Variants in EDEM3 observed in about 807,000 individuals in gnomAD.
The protein encoded by EDEM3 is ER degradation-enhancing alpha-mannosidase-like protein 3.
A neutral mutation model predicts 110.2 loss-of-function variants in EDEM3; 60 were observed. The observed-to-expected ratio is 0.54, with a 90% confidence interval of 0.44 to 0.67. EDEM3 has a LOEUF of 0.67. EDEM3 is among the 30% of genes least tolerant of loss of function. EDEM3 has a pLI of 0.00. For synonymous variants in EDEM3, 352 were observed against 382.9 expected, an observed-to-expected ratio of 0.92 and a Z score of 0.94; for missense variants, 996 against 1,121.0, an observed-to-expected ratio of 0.89 and a Z score of 1.59.
intron 19 of EDEM3, 68 bp from the exon 20 acceptor site, chr1:184,694,540 A>G: frequency 7.0e-7 from 1 of 1,427,958 alleles, no homozygotes; most frequent in South Asian, 1.5e-5. Context: ...TTTCCAAAGC[A>G]TATTGGTTTT....
chr1:184,729,360 A>C (rs1413388863), intron 6 of EDEM3, among the ~76,000 whole-genome samples: 2 of 152,202 alleles, frequency 1.3e-5, no homozygotes, highest in Non-Finnish European at 2.9e-5. Context: ...GAAAATCCTT[A>C]AAATATGTAT....
chr1:184,740,776 C>A (rs1652092863), intron 2 of EDEM3, among the ~76,000 whole-genome samples: 1 of 152,180 alleles, frequency 6.6e-6, no homozygotes, highest in Admixed American at 6.5e-5. Flanking sequence ...TTTCTCCATT[C>A]AAGAGACTAC....
intron 6 of EDEM3, among the ~76,000 whole-genome samples, chr1:184,731,869 A>G (rs1479607283): frequency 6.6e-6 from 1 of 152,198 alleles, no homozygotes; most frequent in Non-Finnish European, 1.5e-5. Flanking sequence ...AGTGGAGGGC[A>G]CTATGTTAAA....
rs75776638 is a variant in EDEM3 at position 184,691,126 on chromosome 1, T to G, written c.*2937A>C. 5.9e-5 allele frequency: 9 copies of G among 152,700 alleles called. No individual in the cohort carries two copies. Among genetic ancestry groups the G allele is most frequent in the African/African-American group, 2.2e-4 (9 of 41,576 alleles). 9.5% of individuals were successfully genotyped at this position (152,700 alleles called of 1,614,324 possible). A position where few individuals can be genotyped will look rare whatever the true frequency, so the allele number is the denominator to read the frequency against. ...ACGTATAATGCCAAGAGTTAATTTG[T>G]TCTGAAACAATTATACTCTTTTTGG... On this transcript the variant is annotated 3_prime_UTR_variant, in exon 20 of 20. Coordinates refer to ENST00000318130, the MANE Select transcript of EDEM3 (RefSeq NM_025191.4).
rs1649104408 is a variant in EDEM3 at position 184,692,502 on chromosome 1, A to G, written c.*1561T>C. On this transcript the variant is annotated 3_prime_UTR_variant, in exon 20 of 20. Coordinates refer to ENST00000318130, the MANE Select transcript of EDEM3 (RefSeq NM_025191.4). ...CTAAACATACTGTACACGAATATAC[A>G]TAACTGCAATACAGCACTGCTGTTT... 1.3e-5 allele frequency: 2 copies of G among 152,118 alleles called. No individual in the cohort carries two copies. Among genetic ancestry groups the G allele is most frequent in the Non-Finnish European group, 1.5e-5 (1 of 67,974 alleles). 9.4% of individuals were successfully genotyped at this position (152,118 alleles called of 1,614,324 possible).
chr1:184,739,336 GTAA>G (rs1240801217), intron 2 of EDEM3, among the ~76,000 whole-genome samples: 3 of 147,412 alleles, frequency 2.0e-5, no homozygotes, highest in Non-Finnish European at 3.0e-5. Flanking sequence ...AAGATTAAAA[GTAA>G]TAATTTAAAT....
intron 6 of EDEM3, among the ~76,000 whole-genome samples, chr1:184,730,088 T>C (rs1358213452): frequency 1.3e-5 from 2 of 152,112 alleles, no homozygotes; most frequent in Admixed American, 1.3e-4. Context: ...GTTGGCAAAA[T>C]AATAATATAC....
intron 9 of EDEM3, among the ~76,000 whole-genome samples, chr1:184,720,233 G>C (rs145681725): frequency 6.6e-6 from 1 of 152,044 alleles, no homozygotes; most frequent in East Asian, 1.9e-4. Context: ...GATAATTTTA[G>C]AAAGTATTCA....
In EDEM3 at chr1:184,708,683, C is replaced by T. The variant is rs545724216; in HGVS notation, c.1846-339G>A. Among the ~76,000 whole-genome samples the T allele has an allele frequency of 2.2e-3, 342 of 152,304 alleles. 3 individuals are homozygous for T. Among genetic ancestry groups the T allele is most frequent in the Non-Finnish European group, 1.3e-3 (87 of 68,030 alleles). ...CCCTCTGAAGAAATAAACCTCATAC[C>T]TGACCCACACTTTCCCTCCTTGAAA... On this transcript the variant is annotated intron_variant, in intron 16 of 19. Coordinates refer to ENST00000318130, the MANE Select transcript of EDEM3 (RefSeq NM_025191.4).
intron 1 of EDEM3, among the ~76,000 whole-genome samples, chr1:184,750,232 A>G (rs914226051): frequency 2.0e-5 from 3 of 152,240 alleles, no homozygotes; most frequent in Non-Finnish European, 4.4e-5. Flanking sequence ...TTCACTTCCA[A>G]AATGAGAAAA....
chr1:184,754,762 C>T lies in EDEM3; in HGVS notation c.-116G>A, dbSNP rs1011291774. 12 of 1,383,112 alleles carry T rather than the reference C, an allele frequency of 8.7e-6. No homozygotes were observed. The highest frequency in any genetic ancestry group is 1.1e-5 in the Non-Finnish European group (12 of 1,070,500). The allele number at this position is 1,383,112 out of a possible 1,614,324, so 85.7% of individuals were successfully genotyped here. A position where few individuals can be genotyped will look rare whatever the true frequency, so the allele number is the denominator to read the frequency against. On this transcript the variant is annotated 5_prime_UTR_variant, in exon 1 of 20. Coordinates refer to ENST00000318130, the MANE Select transcript of EDEM3 (RefSeq NM_025191.4). ...CGAGACGGGGCGGGATGCGGAGTAA[C>T]ACGGACGGCCGCCGGCGCCAAACTG...
chr1:184,723,147 A>G (rs1650993708), intron 8 of EDEM3, among the ~76,000 whole-genome samples: 1 of 152,000 alleles, frequency 6.6e-6, no homozygotes. Context: ...TATTAATCAA[A>G]AGGACTAACA....
rs1007614446 is a variant in EDEM3, at chr1:184,692,896, C to T, written c.*1167G>A. ...GTCACCATACACTAATTTTCAAGTC[C>T]GTATCAGAAGGAATATCTGTTAAAA... On this transcript the variant is annotated 3_prime_UTR_variant, in exon 20 of 20. Coordinates refer to ENST00000318130, the MANE Select transcript of EDEM3 (RefSeq NM_025191.4). 6.6e-6 allele frequency: 1 copy of T among 151,316 alleles called. No homozygotes were observed. The highest frequency in any genetic ancestry group is 2.4e-5 in the African/African-American group (1 of 41,052). The allele number at this position is 151,316 out of a possible 1,614,324, so 9.4% of individuals were successfully genotyped here. A position where few individuals can be genotyped will look rare whatever the true frequency, so the allele number is the denominator to read the frequency against.
chr1:184,700,924 C>T (rs1649585457), intron 19 of EDEM3, among the ~76,000 whole-genome samples: 2 of 151,930 alleles, frequency 1.3e-5, no homozygotes, highest in Admixed American at 1.3e-4. Context: ...CTTTTCAATA[C>T]TTTTATCAAA....
rs1649150146 is a variant in EDEM3, at chr1:184,693,261, C to T, written c.*802G>A. 6.5e-6 allele frequency: 1 copy of T among 154,786 alleles called. No individual in the cohort carries two copies. Among genetic ancestry groups the T allele is most frequent in the African/African-American group, 2.4e-5 (1 of 41,504 alleles). 9.6% of individuals were successfully genotyped at this position (154,786 alleles called of 1,614,324 possible). ...CATTTCAGAGTAGTCACAGCTTTCCCTATGGAAGGCCCAATGGGAGGTTCA... is the reference window on the plus strand; with the variant it reads ...CATTTCAGAGTAGTCACAGCTTTCCTTATGGAAGGCCCAATGGGAGGTTCA... On this transcript the variant is annotated 3_prime_UTR_variant, in exon 20 of 20. Coordinates refer to ENST00000318130, the MANE Select transcript of EDEM3 (RefSeq NM_025191.4).
At chr1:184,721,990 T>C (rs1017274526) in intron 8 of EDEM3, among the ~76,000 whole-genome samples, 8 of 152,018 alleles carry the variant, frequency 5.3e-5, no homozygotes, top group African/African-American at 1.9e-4. Flanking sequence ...AATATGTTGA[T>C]GCACAAAATA....
Position 184,702,883 on chromosome 1 carries a change from T to C in EDEM3, c.2317A>G (p.Ser773Gly). ...TCCCGGATGGCATCCAGTATGATAC[T>C]TCCTTCTTTGCTGAATAAGAACAGC... ...PMLFLFSKEG[S>G]IILDAIREYE... Residue 773 changes from serine to glycine, a missense_variant, in exon 19 of 20, where the codon AGT becomes GGT. Physicochemically the swap from Ser to Gly is moderately conservative, Grantham distance 56 (BLOSUM62 0). Coordinates refer to ENST00000318130, the MANE Select transcript of EDEM3 (RefSeq NM_025191.4). 6.2e-7 allele frequency: 1 copy of C among 1,613,552 alleles called. No homozygotes were observed.
Position 184,714,077 on chromosome 1 carries a change from T to G in EDEM3, c.1371-1479A>C, listed in dbSNP as rs975222282. On this transcript the variant is annotated intron_variant, in intron 13 of 19. Coordinates refer to ENST00000318130, the MANE Select transcript of EDEM3 (RefSeq NM_025191.4). ...AATACACTTATCATAATTCAACCTTTTCTGATGGACTGACAGTTATTACAT... is the reference window on the plus strand; with the variant it reads ...AATACACTTATCATAATTCAACCTTGTCTGATGGACTGACAGTTATTACAT... Among the ~76,000 whole-genome samples the G allele has an allele frequency of 1.2e-4, 18 of 152,214 alleles. 1 individual carries two copies.
intron 5 of EDEM3, among the ~76,000 whole-genome samples, chr1:184,734,099 T>C (rs961977416): frequency 6.6e-6 from 1 of 152,246 alleles, no homozygotes; most frequent in Non-Finnish European, 1.5e-5. Context: ...TGTTCCAACT[T>C]ACATCTTTTA....
Sources: gnomAD v4.1 joint callset for allele counts (sites outside exome capture counted in the v4.1 genomes callset) on GRCh38, gnomAD v4.1.1 for gene constraint, MANE v1.5 for transcripts, NCBI Gene and HGNC (gene_info 2026-07-23, HGNC 2026-07-21) for gene names.